NUP50: variants seen among roughly 807,000 people sequenced by gnomAD.
NUP50 encodes nucleoporin 50, also known as nuclear pore complex protein Nup50.
Under a neutral mutation model 36.8 loss-of-function variants are expected in NUP50, and 14 were observed. The observed-to-expected ratio is 0.38, with a 90% CI of 0.25 to 0.59. The LOEUF (loss-of-function observed/expected upper bound fraction) is 0.59, where lower values mean the gene tolerates loss of function less well. Ranked by LOEUF, NUP50 falls within the 20% of genes least tolerant of loss-of-function variation. NUP50 has a pLI of 0.63. For synonymous variants in NUP50, 195 were observed against 210.8 expected (o/e 0.93, Z 0.65); for missense variants, 455 against 564.6 (o/e 0.81, Z 1.97).
chr22:45,184,712 TAAAGTTAGTC>T lies in NUP50; in HGVS notation c.*59_*68del, dbSNP rs1000043278. 42 of 883,148 alleles carry T rather than the reference TAAAGTTAGTC, an allele frequency of 4.8e-5. No individual in the cohort carries two copies. In the East Asian group the frequency reaches 1.1e-3, roughly 22 times the overall value. The allele number at this position is 883,148 out of a possible 1,614,324, so 54.7% of individuals were successfully genotyped here. A position where few individuals can be genotyped will look rare whatever the true frequency, so the allele number is the denominator to read the frequency against. ...AGTTGCTGCTGCTTCCACCGCCCCT[TAAAGTTAGTC>T]AGTTTTTCTTCTCTTCTTTGACATT... On this transcript the variant is annotated 3_prime_UTR_variant, in exon 8 of 8. Coordinates refer to ENST00000347635, the MANE Select transcript of NUP50 (RefSeq NM_007172.4).
At chr22:45,164,834 C>G (rs1480043121) in intron 1 of NUP50, 1 of 152,922 alleles carries the variant, frequency 6.5e-6, no homozygotes, top group Admixed American at 6.5e-5. Context: ...GCTTCCTCTC[C>G]CCCTGGCCGC....
At chr22:45,171,385 G>A (rs919315777) in intron 2 of NUP50, among the ~76,000 whole-genome samples, 3 of 152,076 alleles carry the variant, frequency 2.0e-5, no homozygotes, top group African/African-American at 7.2e-5. Flanking sequence ...TTTTAGTAGC[G>A]ACAGAGTTTC....
intron 3 of NUP50, among the ~76,000 whole-genome samples, chr22:45,174,156 A>G (rs1020573013): frequency 2.0e-5 from 3 of 150,786 alleles, no homozygotes; most frequent in African/African-American, 7.3e-5. Context: ...GTCAGTGCCC[A>G]TGGAGGAGCC....
intron 5 of NUP50, chr22:45,180,107 TAAAAC>T (rs1194675935): frequency 1.3e-5 from 2 of 151,328 alleles, no homozygotes; most frequent in African/African-American, 4.9e-5. Flanking sequence ...CTCCCATAAA[TAAAAC>T]AAATGGGGAG....
At chr22:45,176,890 C>T (rs1017657834) in intron 4 of NUP50, among the ~76,000 whole-genome samples, 5 of 151,992 alleles carry the variant, frequency 3.3e-5, no homozygotes, top group African/African-American at 1.2e-4. Flanking sequence ...TACAGGCATG[C>T]ACCACCATGC....
chr22:45,165,709 A>G (rs1488258735), intron 1 of NUP50, among the ~76,000 whole-genome samples: 1 of 152,258 alleles, frequency 6.6e-6, no homozygotes, highest in Non-Finnish European at 1.5e-5. Flanking sequence ...TCCATGCTAC[A>G]ACTTTTACGT....
intron 2 of NUP50, among the ~76,000 whole-genome samples, chr22:45,168,898 AT>A (rs34675932): frequency 0.26 from 34,280 of 131,798 alleles, 4,193 homozygotes; most frequent in Middle Eastern, 0.41. Flanking sequence ...TATAAAAAAA[AT>A]TTTTTTTTTT....
intron 3 of NUP50, among the ~76,000 whole-genome samples, chr22:45,174,183 CTTT>C (rs132886): frequency 3.6e-4 from 49 of 137,848 alleles, no homozygotes; most frequent in Non-Finnish European, 3.6e-4. Flanking sequence ...GGTATTTTCC[CTTT>C]TTTTTTTTTT....
intron 5 of NUP50, 54 bp from the exon 6 acceptor site, chr22:45,181,232 C>A: frequency 8.1e-7 from 1 of 1,232,088 alleles, no homozygotes; most frequent in Non-Finnish European, 1.1e-6. Flanking sequence ...ACTTCAGTCA[C>A]TTCTTTAAGC....
intron 3 of NUP50, 70 bp downstream of exon 3, chr22:45,171,753 G>C (rs1187746392): frequency 8.6e-7 from 1 of 1,163,406 alleles, no homozygotes; most frequent in Non-Finnish European, 1.3e-6. Flanking sequence ...CAATCCCTCC[G>C]CTGGGAGCAA....
Position 45,186,726 on chromosome 22 carries a change from A to G in NUP50, c.*2071A>G, listed in dbSNP as rs2083451405. 6.6e-6 allele frequency: 1 copy of G among 152,634 alleles called. No individual in the cohort carries two copies. The highest frequency in any genetic ancestry group is 2.4e-5 in the African/African-American group (1 of 41,436). 9.5% of individuals were successfully genotyped at this position (152,634 alleles called of 1,614,324 possible). On this transcript the variant is annotated 3_prime_UTR_variant, in exon 8 of 8. Transcript: ENST00000347635. Reference sequence around the variant, plus strand: ...CCAGCAAATTTTTGCTGCTAAGACTATCACTGTTAAAGTGAAAATTACAGG... The same window carrying G: ...CCAGCAAATTTTTGCTGCTAAGACTGTCACTGTTAAAGTGAAAATTACAGG...
At chr22:45,171,942 A>G (rs561053346) in intron 3 of NUP50, 14 of 392,492 alleles carry the variant, frequency 3.6e-5, no homozygotes, top group African/African-American at 2.4e-4. Flanking sequence ...GAGCAAAGCA[A>G]TACAGAGGTG....
intron 3 of NUP50, among the ~76,000 whole-genome samples, chr22:45,172,473 C>T (rs2074210794): frequency 6.6e-6 from 1 of 152,138 alleles, no homozygotes; most frequent in African/African-American, 2.4e-5. Context: ...AGGAAATAGT[C>T]ATTGGAGGAT....
At chr22:45,169,369 A>G (rs112648020) in intron 2 of NUP50, among the ~76,000 whole-genome samples, 4,855 of 152,276 alleles carry the variant, frequency 0.032, 101 homozygotes, top group Non-Finnish European at 0.048. Flanking sequence ...GACCCTGTCT[A>G]AAAAACAAAG....
chr22:45,164,704 C>T (rs1282611397), intron 1 of NUP50: 1 of 152,098 alleles, frequency 6.6e-6, no homozygotes, highest in East Asian at 1.9e-4. Context: ...GCCCGGGCCC[C>T]ACCGGGCTGC....
Position 45,181,148 on chromosome 22 carries a change from C to T in NUP50, c.1004-138C>T, listed in dbSNP as rs988365359. 3.5e-5 allele frequency: 4 copies of T among 112,764 alleles called. 1 individual carries two copies. The highest frequency in any genetic ancestry group is 2.8e-4 in the East Asian group (1 of 3,612). 7.0% of individuals were successfully genotyped at this position (112,764 alleles called of 1,614,324 possible). ...TCCCTTCTGGCATCCCCCCCCCCCC[C>T]CATTAAGTGTGCATTTTAGTCTGTC... On this transcript the variant is annotated intron_variant, in intron 5 of 7. Coordinates refer to ENST00000347635, the MANE Select transcript of NUP50 (RefSeq NM_007172.4).
At chr22:45,183,698 A>C (rs2147709262) in intron 7 of NUP50, 178 bp downstream of exon 7, 2 of 554,462 alleles carry the variant, frequency 3.6e-6, no homozygotes. Context: ...AGGAAACATA[A>C]ATGTGTTAGA....
Position 45,178,563 on chromosome 22 carries a change from T to G in NUP50, c.666T>G (p.Pro222=), listed in dbSNP as rs781689335. The G allele has an allele frequency of 2.5e-6, 4 of 1,612,052 alleles. No individual in the cohort carries two copies. The highest frequency in any genetic ancestry group is 3.4e-6 in the Non-Finnish European group (4 of 1,179,866). The change falls in exon 5 of 8, where the codon CCT becomes CCG. Residue 222 remains proline, a synonymous_variant. Coordinates refer to ENST00000347635, the MANE Select transcript of NUP50 (RefSeq NM_007172.4). ...AAGTGGCAGCTGAAACACAGTCTCC[T>G]TCCCTTTTTGGCTCAACAAAATTAC... ...SNKVAAETQS[P]SLFGSTKLQQ...
chr22:45,173,887 T>C (rs2074236617), intron 3 of NUP50, among the ~76,000 whole-genome samples: 1 of 152,228 alleles, frequency 6.6e-6, no homozygotes, highest in East Asian at 1.9e-4. Flanking sequence ...CAGATAATTT[T>C]AGCTGTAACT....
Sources: allele counts gnomAD v4.1 joint callset (sites outside exome capture counted in the v4.1 genomes callset), GRCh38; gene constraint gnomAD v4.1.1; transcripts MANE v1.5; gene names NCBI Gene and HGNC (gene_info 2026-07-23, HGNC 2026-07-21).